SFMBT2: variants seen among roughly 807,000 people sequenced by gnomAD.
The protein encoded by SFMBT2 is scm-like with four MBT domains protein 2.
In SFMBT2, 38 loss-of-function variants were observed where a neutral mutation model predicts 110.1. The ratio of observed to expected loss-of-function variants is 0.35; its 90% CI spans 0.27 to 0.45. The LOEUF is 0.45. SFMBT2 is among the 20% of genes least tolerant of loss of function. The pLI, the probability that SFMBT2 is intolerant of heterozygous loss-of-function variation, is 1.00. For synonymous variants in SFMBT2, 425 were observed against 425.4 expected (o/e 1.00, Z 0.01); for missense variants, 1,011 against 1,094.9 (o/e 0.92, Z 1.08).
intron 12 of SFMBT2, chr10:7,204,904 A>G: frequency 1.0e-6 from 1 of 983,698 alleles, no homozygotes; most frequent in Non-Finnish European, 1.2e-6. Context: ...TTTTGCATGT[A>G]TTTAAATGTG....
chr10:7,355,672 G>A (rs1408349514), intron 4 of SFMBT2, among the ~76,000 whole-genome samples: 1 of 152,130 alleles, frequency 6.6e-6, no homozygotes, highest in East Asian at 1.9e-4. Context: ...AATTAGCTGG[G>A]CGTGGTGGCG....
chr10:7,238,447 G>A (rs951140647), intron 9 of SFMBT2, among the ~76,000 whole-genome samples: 10 of 152,176 alleles, frequency 6.6e-5, no homozygotes, highest in South Asian at 2.1e-4. Context: ...GGCCATGAGC[G>A]TCTATGTTAT....
At chr10:7,377,085 C>T (rs1184097043) in intron 2 of SFMBT2, among the ~76,000 whole-genome samples, 1 of 142,244 alleles carries the variant, frequency 7.0e-6, no homozygotes, top group Non-Finnish European at 1.5e-5. Context: ...AGGAGGATCA[C>T]TTGAACCAGG....
chr10:7,191,936 T>A (rs1033910719), intron 15 of SFMBT2, among the ~76,000 whole-genome samples: 12 of 152,232 alleles, frequency 7.9e-5, no homozygotes, highest in Non-Finnish European at 1.8e-4. Flanking sequence ...GGAGTTATCA[T>A]TTGCTATTGC....
intron 4 of SFMBT2, among the ~76,000 whole-genome samples, chr10:7,350,191 AT>A (rs35769123): frequency 0.019 from 2,727 of 144,482 alleles, 27 homozygotes; most frequent in Middle Eastern, 0.029. Flanking sequence ...TAGTTCCTAG[AT>A]TTTTTTTTTT....
At chr10:7,394,147 G>A (rs567263261) in intron 1 of SFMBT2, among the ~76,000 whole-genome samples, 2 of 152,144 alleles carry the variant, frequency 1.3e-5, no homozygotes, top group Non-Finnish European at 2.9e-5. Flanking sequence ...TTACAGGCGC[G>A]CCACCATGTC....
intron 10 of SFMBT2, among the ~76,000 whole-genome samples, chr10:7,225,393 T>C (rs1302838357): frequency 6.6e-6 from 1 of 152,218 alleles, no homozygotes. Flanking sequence ...ACAGGAGATG[T>C]GTGATTAAAA....
chr10:7,227,735 G>A (rs1262841954), intron 10 of SFMBT2, 120 bp downstream of exon 10: 5 of 782,152 alleles, frequency 6.4e-6, no homozygotes, highest in South Asian at 3.3e-5. Flanking sequence ...CAGACATTTT[G>A]TAGTTCTCCA....
At chr10:7,327,175 G>A (rs566655813) in intron 4 of SFMBT2, among the ~76,000 whole-genome samples, 2 of 143,822 alleles carry the variant, frequency 1.4e-5, no homozygotes, top group African/African-American at 5.1e-5. Flanking sequence ...TTCCTCTCTC[G>A]TATCCACAAC....
intron 16 of SFMBT2, among the ~76,000 whole-genome samples, chr10:7,178,243 C>T (rs1838137490): frequency 6.6e-6 from 1 of 152,126 alleles, no homozygotes; most frequent in Non-Finnish European, 1.5e-5. Flanking sequence ...CTTCTCGGTT[C>T]ACATCTTCTA....
At chr10:7,396,032 C>T (rs898233093) in intron 1 of SFMBT2, among the ~76,000 whole-genome samples, 1 of 152,088 alleles carries the variant, frequency 6.6e-6, no homozygotes, top group East Asian at 1.9e-4. Flanking sequence ...GTTAGGAGTT[C>T]GAGACCAGCC....
At chr10:7,407,100 G>A (rs1846238071) in intron 1 of SFMBT2, among the ~76,000 whole-genome samples, 1 of 152,134 alleles carries the variant, frequency 6.6e-6, no homozygotes, top group South Asian at 2.1e-4. Flanking sequence ...TTATGGAAGG[G>A]AGAAAGCAGA....
Position 7,368,456 on chromosome 10 carries a change from C to T in SFMBT2, c.196-567G>A, listed in dbSNP as rs111885198. ...TTGCAAAGCTGACATATCCGCTGTC[C>T]GCAAGTGGCCACTGCTGAAAGGAGA... On this transcript the variant is annotated intron_variant, in intron 3 of 20. Transcript: ENST00000397167. 4.5e-3 allele frequency: 2,741 copies of T among 608,340 alleles called. 35 individuals carry two copies. The highest frequency in any genetic ancestry group is 0.035 in the African/African-American group (1,761 of 50,036). The allele number at this position is 608,340 out of a possible 1,614,324, so 37.7% of individuals were successfully genotyped here.
At chr10:7,292,319 T>C (rs1238606247) in intron 4 of SFMBT2, 1 of 240,998 alleles carries the variant, frequency 4.1e-6, no homozygotes, top group Non-Finnish European at 6.7e-6. Flanking sequence ...CACCTGCTCT[T>C]ACTATTAAGA....
Position 7,367,430 on chromosome 10 carries a change from C to T in SFMBT2, c.436+219G>A, listed in dbSNP as rs1271990958. On this transcript the variant is annotated intron_variant, in intron 4 of 20. Coordinates refer to ENST00000397167, the MANE Select transcript of SFMBT2 (RefSeq NM_001387889.1). This position sits in a 1 kb window ranked among gnomAD's most constrained non-coding sequence, Gnocchi z 6.2. ...TAGGCATACTTTCAGTTCCGAAAAGCCAAGTTTGGCTCCATTGTCAGCACC... is the reference window on the plus strand; with the variant it reads ...TAGGCATACTTTCAGTTCCGAAAAGTCAAGTTTGGCTCCATTGTCAGCACC... 3.3e-5 allele frequency among the ~76,000 whole-genome samples: 5 copies of T among 152,172 alleles called. No homozygotes were observed. In the East Asian group the frequency reaches 9.6e-4, roughly 29 times the overall value.
At chr10:7,315,097 A>AAAGGAAGG (rs1564435589) in intron 4 of SFMBT2, among the ~76,000 whole-genome samples, 11 of 147,448 alleles carry the variant, frequency 7.5e-5, no homozygotes, top group Admixed American at 2.0e-4. Context: ...AGAAAGAAAG[A>AAAGGAAGG]AAGAAAGAAA....
At chr10:7,202,860 C>A in intron 12 of SFMBT2, 1 of 985,350 alleles carries the variant, frequency 1.0e-6, no homozygotes, top group Non-Finnish European at 1.2e-6. Flanking sequence ...AAGCAGTTAT[C>A]CGGAATGATT....
intron 7 of SFMBT2, among the ~76,000 whole-genome samples, chr10:7,267,541 G>C (rs1029726546): frequency 6.6e-6 from 1 of 152,104 alleles, no homozygotes; most frequent in South Asian, 2.1e-4. Context: ...TCCGCCTCTC[G>C]GGTTCAAGTG....
intron 7 of SFMBT2, chr10:7,249,668 A>AGTT: frequency 8.4e-6 from 4 of 477,764 alleles, no homozygotes; most frequent in Non-Finnish European, 8.2e-6. Flanking sequence ...GACTGCACAG[A>AGTT]GCCCAGTCGG....
Sources: gnomAD v4.1 joint callset for allele counts (sites outside exome capture counted in the v4.1 genomes callset) on GRCh38, gnomAD v4.1.1 for gene constraint, Gnocchi (gnomAD v3.1) non-coding constraint, MANE v1.5 for transcripts, NCBI Gene and HGNC (gene_info 2026-07-23, HGNC 2026-07-21) for gene names.